The following DOCK4 variants were observed in gnomAD, a reference collection of about 807,000 sequenced individuals.
The protein encoded by DOCK4 is dedicator of cytokinesis protein 4.
DOCK4 carries 97 observed loss-of-function variants against 268.1 expected under a neutral mutation model. The ratio of observed to expected loss-of-function variants is 0.36; its 90% CI spans 0.31 to 0.43. DOCK4 has a LOEUF of 0.43. Ranked by LOEUF, DOCK4 falls within the 20% of genes least tolerant of loss-of-function variation. The pLI is 1.00. For synonymous variants in DOCK4, 954 were observed against 887.2 expected (o/e 1.08, Z -1.34); for missense variants, 2,145 against 2,455.7 (o/e 0.87, Z 2.67).
chr7:111,919,233 C>A (rs576669438), intron 12 of DOCK4, among the ~76,000 whole-genome samples: 2 of 151,828 alleles, frequency 1.3e-5, no homozygotes, highest in African/African-American at 4.8e-5. Context: ...AGAGGTGAAT[C>A]CTGAAGAAAA....
chr7:112,033,916 A>G (rs1274556942), intron 1 of DOCK4, among the ~76,000 whole-genome samples: 4 of 152,220 alleles, frequency 2.6e-5, no homozygotes, highest in African/African-American at 9.7e-5. Flanking sequence ...ACCTAGAAAT[A>G]AGAGTTCTCA....
intron 1 of DOCK4, among the ~76,000 whole-genome samples, chr7:112,060,596 A>G (rs1215118124): frequency 6.6e-6 from 1 of 152,218 alleles, no homozygotes; most frequent in Non-Finnish European, 1.5e-5. Flanking sequence ...TGGCTGGATA[A>G]GCAAAATATG....
chr7:112,023,546 C>A, intron 1 of DOCK4: 1 of 402,828 alleles, frequency 2.5e-6, no homozygotes, highest in Non-Finnish European at 4.9e-6. Context: ...GACATCATGC[C>A]TTCCGGATCA....
intron 1 of DOCK4, among the ~76,000 whole-genome samples, chr7:112,174,550 C>T (rs1473530323): frequency 6.6e-6 from 1 of 151,940 alleles, no homozygotes; most frequent in African/African-American, 2.4e-5. Flanking sequence ...AAACACACTC[C>T]ACATATACAC....
At chr7:111,867,582 C>CT (rs1315936388) in intron 22 of DOCK4, among the ~76,000 whole-genome samples, 1 of 152,200 alleles carries the variant, frequency 6.6e-6, no homozygotes, top group Admixed American at 6.5e-5. Flanking sequence ...TGCAGCTTAG[C>CT]TGAGTCCAAT....
chr7:112,012,627 C>G (rs776435664), intron 1 of DOCK4, among the ~76,000 whole-genome samples: 2 of 152,006 alleles, frequency 1.3e-5, no homozygotes, highest in African/African-American at 2.4e-5. Context: ...CATTTTCCAA[C>G]CAATTGTACT....
intron 27 of DOCK4, among the ~76,000 whole-genome samples, 163 bp downstream of exon 27, chr7:111,822,199 C>A (rs570317558): frequency 6.6e-6 from 1 of 151,660 alleles, no homozygotes; most frequent in African/African-American, 2.4e-5. Context: ...TTAATATATA[C>A]AAAGGAAATA....
intron 52 of DOCK4, among the ~76,000 whole-genome samples, chr7:111,731,637 A>G (rs1795090598): frequency 1.3e-5 from 2 of 152,114 alleles, no homozygotes; most frequent in South Asian, 4.1e-4. Context: ...CGAATGTCTG[A>G]CCTTTACAGC....
At chr7:111,851,741 A>C (rs1208116380) in intron 23 of DOCK4, among the ~76,000 whole-genome samples, 1 of 152,062 alleles carries the variant, frequency 6.6e-6, no homozygotes, top group Non-Finnish European at 1.5e-5. Flanking sequence ...CGAGGCTAGC[A>C]ATGGTAACTC....
intron 1 of DOCK4, among the ~76,000 whole-genome samples, chr7:112,059,410 G>A (rs192288976): frequency 1.9e-4 from 29 of 152,106 alleles, no homozygotes; most frequent in Middle Eastern, 3.4e-3. Flanking sequence ...CCAAAGTGCT[G>A]GGATTACAGG....
At chr7:111,760,805 T>A (rs1797353594) in intron 39 of DOCK4, among the ~76,000 whole-genome samples, 1 of 151,250 alleles carries the variant, frequency 6.6e-6, no homozygotes, top group African/African-American at 2.4e-5. Flanking sequence ...CATGATGCTC[T>A]CCTTCAGTTA....
chr7:111,728,348 G>C lies in DOCK4; in HGVS notation c.5854C>G (p.Leu1952Val). ...TCAGTCCTCCGGGCCCCATTCTCCA[G>C]GTGGCTGGATCGCGCTGCCAGAGGC... ...PKPLAARSSH[L>V]ENGARRTDPG... is the part of the protein sequence containing the mutation. The change falls in exon 53 of 53, where the codon CTG (leucine) becomes GTG (valine). Residue 1952 changes from leucine (L) to valine (V), a missense_variant. By Grantham distance (32) the Leu-to-Val change is conservative. Coordinates refer to ENST00000428084, the MANE Select transcript of DOCK4 (RefSeq NM_001363540.2). 1 of 1,521,584 alleles carries C rather than the reference G, an allele frequency of 6.6e-7. No individual in the cohort carries two copies. The allele number at this position is 1,521,584 out of a possible 1,614,324, so 94.3% of individuals were successfully genotyped here.
rs1794687276 is a variant in DOCK4 at position 111,935,694 on chromosome 7, T to C, written c.978-66A>G. 9 of 1,376,424 alleles carry C rather than the reference T, an allele frequency of 6.5e-6. No individual in the cohort carries two copies. The South Asian group carries it at 1.1e-4, about 16-fold the overall frequency. The allele number at this position is 1,376,424 out of a possible 1,614,324, so 85.3% of individuals were successfully genotyped here. ...TGCAGTCAAGCAGTGATCCTCATAG[T>C]ACATCTGCCCTTTTCGTTATAACCA... On this transcript the variant is annotated intron_variant, in intron 11 of 52. Transcript: ENST00000428084.
At chr7:112,198,395 T>C (rs76069922) in intron 1 of DOCK4, among the ~76,000 whole-genome samples, 2,424 of 152,334 alleles carry the variant, frequency 0.016, 63 homozygotes, top group African/African-American at 0.055. Flanking sequence ...GTTTAAACTA[T>C]CCAGTCTATA....
At chr7:112,154,398 G>C (rs1816409476) in intron 1 of DOCK4, among the ~76,000 whole-genome samples, 1 of 152,142 alleles carries the variant, frequency 6.6e-6, no homozygotes, top group African/African-American at 2.4e-5. Context: ...ACAACTAAGA[G>C]CACAACTCCA....
intron 1 of DOCK4, among the ~76,000 whole-genome samples, chr7:112,126,947 T>G (rs1443603282): frequency 6.6e-6 from 1 of 151,894 alleles, no homozygotes; most frequent in Non-Finnish European, 1.5e-5. Context: ...TAGGAACACT[T>G]TTACACTGTT....
intron 39 of DOCK4, among the ~76,000 whole-genome samples, chr7:111,762,061 G>C (rs10235868): frequency 6.6e-6 from 1 of 151,804 alleles, no homozygotes; most frequent in Non-Finnish European, 1.5e-5. Flanking sequence ...TGTAAAAATC[G>C]GGGCATTTGC....
intron 36 of DOCK4, among the ~76,000 whole-genome samples, chr7:111,773,243 A>G (rs556089090): frequency 2.0e-5 from 3 of 152,330 alleles, no homozygotes; most frequent in African/African-American, 7.2e-5. Context: ...AGTCACTTAA[A>G]CAGAATCCTA....
chr7:111,740,624 T>C (rs1795842832), intron 47 of DOCK4, among the ~76,000 whole-genome samples: 1 of 147,046 alleles, frequency 6.8e-6, no homozygotes. Flanking sequence ...TCCCAGCTAC[T>C]CACGAGGCTG....
Sources: gnomAD v4.1 joint callset for allele counts (sites outside exome capture counted in the v4.1 genomes callset) on GRCh38, gnomAD v4.1.1 for gene constraint, MANE v1.5 for transcripts, NCBI Gene and HGNC (gene_info 2026-07-23, HGNC 2026-07-21) for gene names.